DNAJC1: variants seen among roughly 807,000 people sequenced by gnomAD.
The protein encoded by DNAJC1 is DnaJ heat shock protein family (Hsp40) member C1.
In DNAJC1, 58 loss-of-function variants were observed where a neutral mutation model predicts 76.6. The observed-to-expected ratio is 0.76, with a 90% CI of 0.61 to 0.94. The LOEUF is 0.94. DNAJC1 is among the 40% of genes least tolerant of loss of function. The pLI, the probability that DNAJC1 is intolerant of heterozygous loss-of-function variation, is 0.00. For synonymous variants in DNAJC1, 258 were observed against 267.9 expected (o/e 0.96, Z 0.36); for missense variants, 689 against 677.3 (o/e 1.02, Z -0.19).
chr10:21,970,913 T>C lies in DNAJC1; in HGVS notation c.222+32300A>G, dbSNP rs141856213. Among the ~76,000 whole-genome samples the C allele has an allele frequency of 6.2e-4, 94 of 152,070 alleles. 2 individuals are homozygous for C. In the South Asian group the frequency reaches 0.015, roughly 24 times the overall value. ...ACCTTCTAAACTTTCCCCCTCCTTA[T>C]TGAGGTCTAGTTGACAGTTAAATAC... On this transcript the variant is annotated intron_variant, in intron 1 of 11. Coordinates refer to ENST00000376980, the MANE Select transcript of DNAJC1 (RefSeq NM_022365.4).
chr10:21,952,826 C>G (rs1042981836), intron 1 of DNAJC1, among the ~76,000 whole-genome samples: 7 of 152,138 alleles, frequency 4.6e-5, no homozygotes, highest in Non-Finnish European at 8.8e-5. Context: ...GTCTCAAACT[C>G]CTAGGTTCAA....
At chr10:21,851,781 G>A (rs981469983) in intron 8 of DNAJC1, among the ~76,000 whole-genome samples, 3 of 152,080 alleles carry the variant, frequency 2.0e-5, no homozygotes, top group African/African-American at 7.2e-5. Flanking sequence ...ACGGCCGGGC[G>A]CAGTGGTTCA....
intron 1 of DNAJC1, among the ~76,000 whole-genome samples, chr10:21,968,843 G>A (rs961250509): frequency 3.3e-5 from 5 of 152,028 alleles, no homozygotes; most frequent in African/African-American, 1.2e-4. Flanking sequence ...TATTACAAAC[G>A]CTGCTGCAGC....
At chr10:21,907,934 C>T (rs370631670) in intron 6 of DNAJC1, among the ~76,000 whole-genome samples, 2 of 144,650 alleles carry the variant, frequency 1.4e-5, no homozygotes, top group Non-Finnish European at 3.0e-5. Flanking sequence ...GCCAAGATCA[C>T]ACCACTGAAC....
At chr10:21,794,023 C>T (rs957584280) in intron 9 of DNAJC1, among the ~76,000 whole-genome samples, 32 of 151,916 alleles carry the variant, frequency 2.1e-4, no homozygotes, top group African/African-American at 7.3e-4. Context: ...GCCTGTAATC[C>T]CAACACTTTG....
At chr10:21,913,536 A>C (rs559128131) in intron 6 of DNAJC1, among the ~76,000 whole-genome samples, 155 of 152,348 alleles carry the variant, frequency 1.0e-3, no homozygotes, top group African/African-American at 3.6e-3. Flanking sequence ...TATAACAGCT[A>C]AATTGAAAAT....
At chr10:21,855,582 A>G (rs1835821736) in intron 8 of DNAJC1, among the ~76,000 whole-genome samples, 1 of 152,334 alleles carries the variant, frequency 6.6e-6, no homozygotes, top group Non-Finnish European at 1.5e-5. Context: ...ATTATCAATG[A>G]TGAATACAAA....
intron 8 of DNAJC1, among the ~76,000 whole-genome samples, chr10:21,870,059 G>A (rs1211543244): frequency 6.6e-6 from 1 of 151,930 alleles, no homozygotes; most frequent in Non-Finnish European, 1.5e-5. Flanking sequence ...ATCCTAAAAA[G>A]ATAGCAAATC....
At position 21,928,496 on chromosome 10, in the gene DNAJC1, G is replaced by A; in HGVS notation, c.371+10C>T. 2 of 1,610,262 alleles carry A rather than the reference G, an allele frequency of 1.2e-6. No individual in the cohort carries two copies. On this transcript the variant is annotated intron_variant, in intron 3 of 11. Transcript: ENST00000376980. ...AACATCTTAATTCAAAAGCAGAAATGAACACTCACCTCTGCCTTCGTTCAT... is the reference window on the plus strand; with the variant it reads ...AACATCTTAATTCAAAAGCAGAAATAAACACTCACCTCTGCCTTCGTTCAT...
At chr10:21,948,494 G>C (rs1387956782) in intron 1 of DNAJC1, among the ~76,000 whole-genome samples, 1 of 152,146 alleles carries the variant, frequency 6.6e-6, no homozygotes, top group Non-Finnish European at 1.5e-5. Flanking sequence ...GTAACCTGTA[G>C]TATATAGCAC....
intron 8 of DNAJC1, among the ~76,000 whole-genome samples, chr10:21,868,089 AC>A (rs1215707211): frequency 2.2e-5 from 3 of 139,052 alleles, no homozygotes; most frequent in African/African-American, 5.3e-5. Context: ...AAAAAAAAAA[AC>A]AAAAAAAAAA....
At chr10:21,777,626 G>C (rs1183264055) in intron 9 of DNAJC1, among the ~76,000 whole-genome samples, 1 of 152,180 alleles carries the variant, frequency 6.6e-6, no homozygotes, top group Non-Finnish European at 1.5e-5. Flanking sequence ...ATCAAGGTAT[G>C]ACAAAGAACA....
intron 10 of DNAJC1, among the ~76,000 whole-genome samples, chr10:21,762,203 T>G (rs896911232): frequency 6.6e-5 from 10 of 152,156 alleles, no homozygotes; most frequent in Non-Finnish European, 1.2e-4. Flanking sequence ...TCCCAAAGTG[T>G]TGGGATTACA....
intron 8 of DNAJC1, among the ~76,000 whole-genome samples, chr10:21,813,216 C>A (rs867001314): frequency 0.15 from 5,209 of 34,194 alleles, 342 homozygotes; most frequent in Non-Finnish European, 0.18. Flanking sequence ...CTCTCTCTCT[C>A]TCTCTATATA....
chr10:21,853,845 G>C lies in DNAJC1; in HGVS notation c.978+28437C>G, dbSNP rs574142760. Among the ~76,000 whole-genome samples the C allele has an allele frequency of 3.2e-4, 47 of 148,804 alleles. 1 individual carries two copies. The highest frequency in any genetic ancestry group is 1.8e-3 in the Admixed American group (27 of 14,868). On this transcript the variant is annotated intron_variant, in intron 8 of 11. Coordinates refer to ENST00000376980, the MANE Select transcript of DNAJC1 (RefSeq NM_022365.4). Reference sequence around the variant, plus strand: ...TATCACTGGGGAAACTGCTTTTCTGGTTCATCCATTTGAATCTAATCCAGT... The same window carrying C: ...TATCACTGGGGAAACTGCTTTTCTGCTTCATCCATTTGAATCTAATCCAGT...
chr10:21,932,741 A>C, intron 1 of DNAJC1, among the ~76,000 whole-genome samples: 1 of 152,224 alleles, frequency 6.6e-6, no homozygotes, highest in South Asian at 2.1e-4. Flanking sequence ...ACTCTGCCAG[A>C]GCAGATAGGC....
intron 7 of DNAJC1, among the ~76,000 whole-genome samples, chr10:21,891,476 C>CAAAAAAAAAAAAAAAAAAAAAA (rs369729722): frequency 8.4e-3 from 321 of 38,150 alleles, no homozygotes; most frequent in Non-Finnish European, 9.8e-3. Context: ...ACAAAGTAGA[C>CAAAAAAAAAAAAAAAAAAAAAA]AAAAAAAAAA....
intron 8 of DNAJC1, among the ~76,000 whole-genome samples, chr10:21,818,589 C>G (rs1170258287): frequency 1.3e-5 from 2 of 152,146 alleles, no homozygotes; most frequent in Non-Finnish European, 2.9e-5. Flanking sequence ...TGGGGCATCA[C>G]GGAAACTGCC....
intron 8 of DNAJC1, among the ~76,000 whole-genome samples, chr10:21,866,418 C>CA (rs948973232): frequency 1.3e-5 from 2 of 151,304 alleles, no homozygotes. Context: ...TAAACAATAA[C>CA]AAAAAAACCC....
Sources: gnomAD v4.1 joint callset for allele counts (sites outside exome capture counted in the v4.1 genomes callset) on GRCh38, gnomAD v4.1.1 for gene constraint, MANE v1.5 for transcripts, NCBI Gene and HGNC (gene_info 2026-07-23, HGNC 2026-07-21) for gene names.